SLC12A7: variants seen among roughly 807,000 people sequenced by gnomAD.
The protein encoded by SLC12A7 is solute carrier family 12 member 7, also known as K-Cl cotransporter 4.
Under a neutral mutation model 120.6 loss-of-function variants are expected in SLC12A7, and 100 were observed. The ratio of observed to expected loss-of-function variants is 0.83; its 90% CI spans 0.71 to 0.98. The LOEUF (loss-of-function observed/expected upper bound fraction) is 0.98. Among genes scored for constraint, SLC12A7 ranks in the 50% least tolerant of loss-of-function variants. The probability of loss-of-function intolerance (pLI) is 0.00; values close to 1 mark genes in which losing one functional copy is unlikely to be tolerated. For synonymous variants in SLC12A7, 760 were observed against 678.0 expected, an observed-to-expected ratio of 1.12 and a Z score of -1.88; for missense variants, 1,373 against 1,548.1, an observed-to-expected ratio of 0.89 and a Z score of 1.90.
At chr5:1,108,853 G>T (rs1031137993) in intron 1 of SLC12A7, among the ~76,000 whole-genome samples, 1 of 152,250 alleles carries the variant, frequency 6.6e-6, no homozygotes, top group African/African-American at 2.4e-5. Flanking sequence ...CAGGAGGGAC[G>T]GGCAGGCCAC....
intron 1 of SLC12A7, among the ~76,000 whole-genome samples, chr5:1,099,233 T>C (rs1376716864): frequency 6.6e-6 from 1 of 152,088 alleles, no homozygotes; most frequent in Non-Finnish European, 1.5e-5. Context: ...AGCACCCAGA[T>C]ACCACGTGCC....
At chr5:1,055,355 G>A (rs899090480) in intron 22 of SLC12A7, among the ~76,000 whole-genome samples, 2 of 152,202 alleles carry the variant, frequency 1.3e-5, no homozygotes, top group African/African-American at 4.8e-5. Flanking sequence ...CCACCGGCAG[G>A]TGCGCTGACA....
chr5:1,149,374 C>G, the SLC12A7 span, among the ~76,000 whole-genome samples: 1 of 150,810 alleles, frequency 6.6e-6, no homozygotes, highest in South Asian at 2.1e-4. Context: ...GTCAGGAGTT[C>G]GAGACCAGCC....
chr5:1,050,682 A>G lies in SLC12A7; in HGVS notation c.*1678T>C. The G allele has an allele frequency of 2.5e-6, 1 of 394,110 alleles. No homozygotes were observed. 24.4% of individuals were successfully genotyped at this position (394,110 alleles called of 1,614,324 possible). ...CTGTGCCTCTAGCCTGCTCTCCTCC[A>G]GGTGCAGGGGACACAGGACCTGCCG... is the stretch of plus-strand genomic sequence containing the variant. On this transcript the variant is annotated 3_prime_UTR_variant, in exon 24 of 24. Transcript: ENST00000264930.
intron 5 of SLC12A7, among the ~76,000 whole-genome samples, chr5:1,087,993 T>C (rs12515406): frequency 0.04 from 6,076 of 152,308 alleles, 133 homozygotes; most frequent in African/African-American, 0.053. Context: ...GAACTCAGCC[T>C]ATGGCACACG....
intron 1 of SLC12A7, among the ~76,000 whole-genome samples, chr5:1,096,828 A>AAG (rs1741276298): frequency 2.3e-5 from 1 of 42,940 alleles, no homozygotes; most frequent in Non-Finnish European, 4.7e-5. Flanking sequence ...AAGGGAGGGA[A>AAG]GGAAGGAGGG....
chr5:1,066,385 G>C (rs565435364), intron 17 of SLC12A7, among the ~76,000 whole-genome samples: 30 of 152,296 alleles, frequency 2.0e-4, no homozygotes, highest in African/African-American at 7.2e-4. Context: ...CGAGCAATGA[G>C]ATTTACATGA....
chr5:1,069,587 G>C (rs1016094729), intron 17 of SLC12A7, among the ~76,000 whole-genome samples: 15 of 152,228 alleles, frequency 9.9e-5, no homozygotes, highest in Admixed American at 9.8e-4. Context: ...ACACACATGA[G>C]GGGGAAGGAG....
At chr5:1,114,532 G>A (rs1341538202), upstream of SLC12A7, among the ~76,000 whole-genome samples, 1 of 152,158 alleles carries the variant, frequency 6.6e-6, no homozygotes, top group Non-Finnish European at 1.5e-5. Context: ...GGCAGCCTGG[G>A]GTTAAATGTG....
intron 1 of SLC12A7, among the ~76,000 whole-genome samples, chr5:1,101,825 G>T (rs1280703482): frequency 6.8e-6 from 1 of 147,352 alleles, no homozygotes; most frequent in Admixed American, 6.8e-5. Flanking sequence ...GCCCTCCGGA[G>T]CCGCTTTGCT....
chr5:1,075,248 C>A, intron 15 of SLC12A7, 123 bp downstream of exon 15: 1 of 1,375,206 alleles, frequency 7.3e-7, no homozygotes, highest in East Asian at 2.5e-5. Context: ...CCCAGCTGCC[C>A]CTGTGAGGGC....
intron 21 of SLC12A7, among the ~76,000 whole-genome samples, chr5:1,057,972 G>A (rs1387828716): frequency 1.3e-5 from 2 of 152,340 alleles, no homozygotes; most frequent in East Asian, 1.9e-4. Flanking sequence ...CTCCACACAC[G>A]TGTTCACCCC....
In SLC12A7 at chr5:1,083,863, C is replaced by T. The variant is rs775858022; in HGVS notation, c.1011G>A (p.Ala337=). The change falls in exon 8 of 24, where the codon GCG becomes GCA. Residue 337 remains alanine, a synonymous_variant. Transcript: ENST00000264930. Reference sequence around the variant, plus strand: ...AGCCGTTGCAGAAGAGGCCCCAGAGCGCGGAGGTGGCTGAGTTGTTGTGGA... The same window carrying T: ...AGCCGTTGCAGAAGAGGCCCCAGAGTGCGGAGGTGGCTGAGTTGTTGTGGA... The part of the protein sequence containing the change: ...YGIHNNSATS[A]LWGLFCNGSQ... The T allele has an allele frequency of 7.9e-5, 127 of 1,607,650 alleles. No homozygotes were observed. Among genetic ancestry groups the T allele is most frequent in the Middle Eastern group, 1.7e-4 (1 of 6,006 alleles).
chr5:1,058,176 C>T (rs1351830926), intron 21 of SLC12A7, among the ~76,000 whole-genome samples: 1 of 152,212 alleles, frequency 6.6e-6, no homozygotes, highest in Non-Finnish European at 1.5e-5. Flanking sequence ...ATGACAGGGC[C>T]GGCCCCCTGT....
At position 1,075,447 on chromosome 5, in the gene SLC12A7, A is replaced by G. The variant is rs1175516197; in HGVS notation, c.1891T>C (p.Phe631Leu). The change falls in exon 15 of 24, where the codon TTC becomes CTC. Residue 631 changes from phenylalanine to leucine, a missense_variant. Transcript: ENST00000264930. Reference protein sequence around the residue: ...LGMSLCLALMFICSWYYALSA... With the variant: ...LGMSLCLALMLICSWYYALSA... ...AGCGCGTAGTACCAGGAGCAGATGA[A>G]CATCAGCGCCAGGCACAGGCTCATA... is the stretch of plus-strand genomic sequence containing the variant. 2 of 1,612,564 alleles carry G rather than the reference A, an allele frequency of 1.2e-6. No individual in the cohort carries two copies. Among genetic ancestry groups the G allele is most frequent in the Non-Finnish European group, 1.7e-6 (2 of 1,179,652 alleles).
chr5:1,129,798 T>G, the SLC12A7 span, among the ~76,000 whole-genome samples: 1 of 152,192 alleles, frequency 6.6e-6, no homozygotes. Flanking sequence ...CAGAAGCACC[T>G]TGGAGCCGGG....
rs745481788 is a variant in SLC12A7, at chr5:1,079,401, T to C, written c.1393A>G (p.Ile465Val). ...GCCTGCACCCCTCCAAGGATACAGA[T>C]GAAAGACGTCGTCACTATGGCCAGG... Reference protein sequence around the residue: ...TILAIVTTSFIYLSCIVLFGA... With the variant: ...TILAIVTTSFVYLSCIVLFGA... The change falls in exon 10 of 24, where the codon ATC becomes GTC. Residue 465 changes from isoleucine to valine, a missense_variant. Ile to Val is a conservative substitution (Grantham distance 29). Transcript: ENST00000264930. 3 of 1,611,892 alleles carry C rather than the reference T, an allele frequency of 1.9e-6. No homozygotes were observed. Among genetic ancestry groups the C allele is most frequent in the Admixed American group, 1.7e-5 (1 of 60,010 alleles).
At chr5:1,055,136 G>GCA (rs892225386) in intron 22 of SLC12A7, among the ~76,000 whole-genome samples, 3 of 152,060 alleles carry the variant, frequency 2.0e-5, no homozygotes, top group African/African-American at 7.2e-5. Flanking sequence ...ATGTGTATAC[G>GCA]CACACACACA....
At chr5:1,093,465 C>A in intron 3 of SLC12A7, 68 bp downstream of exon 3, 1 of 1,298,872 alleles carries the variant, frequency 7.7e-7, no homozygotes. Context: ...ACTGCCTTGC[C>A]GGCGTGATCT....
Sources: gnomAD v4.1 joint callset for allele counts (sites outside exome capture counted in the v4.1 genomes callset) on GRCh38, gnomAD v4.1.1 for gene constraint, MANE v1.5 for transcripts, NCBI Gene and HGNC (gene_info 2026-07-23, HGNC 2026-07-21) for gene names.